KLHL22: variants seen among roughly 807,000 people sequenced by gnomAD.
KLHL22 encodes kelch-like protein 22.
A neutral mutation model predicts 60.7 loss-of-function variants in KLHL22; 18 were observed. That is an observed-to-expected ratio of 0.30 (90% CI 0.20 to 0.44). KLHL22 has a LOEUF of 0.44. Among genes scored for constraint, KLHL22 ranks in the 20% least tolerant of loss-of-function variants. The pLI is 1.00. For synonymous variants in KLHL22, 355 were observed against 354.5 expected, an observed-to-expected ratio of 1.00 and a Z score of -0.01; for missense variants, 596 against 852.3, an observed-to-expected ratio of 0.70 and a Z score of 3.74.
chr22:20,451,319 C>G (rs1273422332), intron 5 of KLHL22: 1 of 1,609,624 alleles, frequency 6.2e-7, no homozygotes, highest in East Asian at 2.2e-5. Flanking sequence ...CGGTATGATC[C>G]AAACATTGAC....
At chr22:20,488,927 C>G in intron 2 of KLHL22, 58 bp downstream of exon 2, 1 of 1,532,822 alleles carries the variant, frequency 6.5e-7, no homozygotes, top group Non-Finnish European at 8.9e-7. Context: ...AGTACCTTTA[C>G]TAGCAGAGCC....
At chr22:20,450,737 C>A in intron 5 of KLHL22, 1 of 1,346,252 alleles carries the variant, frequency 7.4e-7, no homozygotes, top group Non-Finnish European at 1.1e-6. Context: ...GTGAAGCATG[C>A]CAAGAAAGAG....
intron 4 of KLHL22, among the ~76,000 whole-genome samples, chr22:20,464,073 C>T (rs918332299): frequency 2.0e-5 from 3 of 152,122 alleles, no homozygotes; most frequent in Non-Finnish European, 4.4e-5. Flanking sequence ...TGGAGGGGTC[C>T]CTGGAAATCT....
At chr22:20,486,745 A>G (rs1454493866) in intron 2 of KLHL22, among the ~76,000 whole-genome samples, 1 of 151,090 alleles carries the variant, frequency 6.6e-6, no homozygotes, top group Non-Finnish European at 1.5e-5. Flanking sequence ...GCAGTGGCGC[A>G]ATCTCGGCTC....
intron 5 of KLHL22, among the ~76,000 whole-genome samples, chr22:20,457,585 A>T (rs1423252472): frequency 6.6e-6 from 1 of 152,220 alleles, no homozygotes; most frequent in African/African-American, 2.4e-5. Context: ...AATTCTGAGC[A>T]ATGGGGTCTG....
intron 1 of KLHL22, chr22:20,493,088 C>A: frequency 2.1e-6 from 1 of 465,412 alleles, no homozygotes; most frequent in Admixed American, 2.4e-5. Context: ...GGGCCTCCTT[C>A]TCTGAGGGTG....
chr22:20,492,037 C>T (rs2053700168), intron 1 of KLHL22: 1 of 152,278 alleles, frequency 6.6e-6, no homozygotes, highest in Non-Finnish European at 1.5e-5. Flanking sequence ...TGATAATTCT[C>T]CCTTTTCTGA....
At chr22:20,482,403 G>A (rs77661964) in intron 2 of KLHL22, among the ~76,000 whole-genome samples, 1 of 149,394 alleles carries the variant, frequency 6.7e-6, no homozygotes, top group Non-Finnish European at 1.5e-5. Flanking sequence ...TTTTTTTTTT[G>A]AGACAAGGTC....
At position 20,458,374 on chromosome 22, in the gene KLHL22, G is replaced by A. The variant is rs1407814337; in HGVS notation, c.1113-374C>T. ...TGGCTCACTGTAGCCTCGACCTCCT[G>A]GGCTTAAGTGATCCTACCACCTCAG... On this transcript the variant is annotated intron_variant, in intron 4 of 6. Transcript: ENST00000328879. Among the ~76,000 whole-genome samples, 2 of 146,132 alleles carry A rather than the reference G, an allele frequency of 1.4e-5. 1 individual carries two copies. Among genetic ancestry groups the A allele is most frequent in the South Asian group, 4.3e-4 (2 of 4,644 alleles).
intron 2 of KLHL22, chr22:20,475,428 C>T (rs1032478251): frequency 1.7e-4 from 26 of 152,270 alleles, no homozygotes; most frequent in African/African-American, 5.8e-4. Context: ...ATATTTTCCT[C>T]TAGTGTTTTT....
chr22:20,445,018 C>CA (rs1488630723), intron 6 of KLHL22, among the ~76,000 whole-genome samples: 2 of 151,902 alleles, frequency 1.3e-5, no homozygotes, highest in South Asian at 2.1e-4. Flanking sequence ...TTCCTGGACT[C>CA]AAGCCATCCA....
Position 20,446,499 on chromosome 22 carries a change from G to A in KLHL22, c.1483C>T (p.Leu495=), listed in dbSNP as rs772015127. 14 of 1,612,920 alleles carry A rather than the reference G, an allele frequency of 8.7e-6. No homozygotes were observed. The highest frequency in any genetic ancestry group is 1.3e-5 in the African/African-American group (1 of 74,910). Residue 495 remains leucine (L), a synonymous_variant, in exon 6 of 7, where the codon CTG becomes TTG. Transcript: ENST00000328879. ...WHGMATLLNK[L]YVIGGSNNDA... Reference sequence around the variant, plus strand: ...TTGTTGCTGCCCCCGATCACATACAGCTTGTTGAGGAGGGTTGCCATGCCG... The same window carrying A: ...TTGTTGCTGCCCCCGATCACATACAACTTGTTGAGGAGGGTTGCCATGCCG...
At chr22:20,450,529 A>G in intron 5 of KLHL22, 1 of 1,614,010 alleles carries the variant, frequency 6.2e-7, no homozygotes, top group Non-Finnish European at 8.5e-7. Flanking sequence ...TTGCCTGGGT[A>G]TTAGGGATTT....
rs549933156 is a variant in KLHL22 at position 20,464,225 on chromosome 22, A to T, written c.1112+633T>A. Among the ~76,000 whole-genome samples, 3 of 152,296 alleles carry T rather than the reference A, an allele frequency of 2.0e-5. No homozygotes were observed. The South Asian group carries it at 6.2e-4, about 32-fold the overall frequency. ...AGTCCACAAAACTCTCTCTTGGGAA[A>T]ACTGCCTCTTCCCAGGGGAAATTGT... On this transcript the variant is annotated intron_variant, in intron 4 of 6. Transcript: ENST00000328879.
chr22:20,472,670 G>T (rs920661867), intron 2 of KLHL22, among the ~76,000 whole-genome samples: 7 of 150,896 alleles, frequency 4.6e-5, no homozygotes, highest in Admixed American at 3.3e-4. Flanking sequence ...AGGTTGCAGT[G>T]AGCCGAGATC....
chr22:20,442,667 C>T (rs972329195), intron 6 of KLHL22, among the ~76,000 whole-genome samples: 1 of 152,252 alleles, frequency 6.6e-6, no homozygotes, highest in Non-Finnish European at 1.5e-5. Context: ...TGGGCCCTCC[C>T]CTAGAATGAT....
At chr22:20,493,747 C>CA (rs1422228038) in intron 1 of KLHL22, among the ~76,000 whole-genome samples, 5 of 151,878 alleles carry the variant, frequency 3.3e-5, no homozygotes, top group African/African-American at 7.3e-5. Context: ...GTCTCAAAAA[C>CA]AAAAAAACAA....
In KLHL22 at chr22:20,484,134, G is replaced by T. The variant is rs116885715; in HGVS notation, c.227+4851C>A. 2.2e-3 allele frequency: 1,529 copies of T among 705,422 alleles called. 21 individuals are homozygous for T. The East Asian group carries it at 0.038, about 18-fold the overall frequency. 43.7% of individuals were successfully genotyped at this position (705,422 alleles called of 1,614,324 possible). The stretch of plus-strand genomic sequence containing the variant: ...GTCCGGGGAGGAGAGCAAGAGGACA[G>T]GACTCAGGCTTTGCTGATGACCTAA... On this transcript the variant is annotated intron_variant, in intron 2 of 6. Transcript: ENST00000328879.
chr22:20,453,464 G>A (rs940297329), intron 5 of KLHL22, among the ~76,000 whole-genome samples: 5 of 152,066 alleles, frequency 3.3e-5, no homozygotes, highest in Non-Finnish European at 7.4e-5. Flanking sequence ...ACATGACTGG[G>A]CATATTTACT....
Sources: gnomAD v4.1 joint callset for allele counts (sites outside exome capture counted in the v4.1 genomes callset) on GRCh38, gnomAD v4.1.1 for gene constraint, MANE v1.5 for transcripts, NCBI Gene and HGNC (gene_info 2026-07-23, HGNC 2026-07-21) for gene names.